Variants in DLK2 observed in about 807,000 individuals in gnomAD.
DLK2 encodes the protein delta like non-canonical Notch ligand 2, also known as protein delta homolog 2.
Under a neutral mutation model 31.3 loss-of-function variants are expected in DLK2, and 9 were observed. The observed-to-expected ratio is 0.29, with a 90% CI of 0.17 to 0.50. The LOEUF (loss-of-function observed/expected upper bound fraction) is 0.50, where lower values mean the gene tolerates loss of function less well. Among genes scored for constraint, DLK2 ranks in the 20% least tolerant of loss-of-function variants. DLK2 has a pLI of 0.98. For synonymous variants in DLK2, 169 were observed against 201.2 expected, an observed-to-expected ratio of 0.84 and a Z score of 1.35; for missense variants, 387 against 526.1, an observed-to-expected ratio of 0.74 and a Z score of 2.59.
In DLK2 at chr6:43,455,525, T is replaced by G. The variant is rs1389242199; in HGVS notation, c.-186A>C. The G allele has an allele frequency of 6.7e-6, 1 of 150,294 alleles. No individual in the cohort carries two copies. The allele number at this position is 150,294 out of a possible 1,614,324, so 9.3% of individuals were successfully genotyped here. ...GGGCCGGGCGCCGAAGCGGCTGCCA[T>G]GCGAGCCGAGCGCTCGGGAATCTGG... On this transcript the variant is annotated 5_prime_UTR_variant, in exon 1 of 6. The change abolishes an upstream ATG in the 5' untranslated region. Transcript: ENST00000372488.
In DLK2 at chr6:43,453,600, C is replaced by T. The variant is rs1282842017; in HGVS notation, c.141-465G>A. ...TTGAGGTCAGGAGTTCAAGACCAGC[C>T]TGGCCAACTGGGTGAAACCCCGTCT... On this transcript the variant is annotated intron_variant, in intron 3 of 5. Coordinates refer to ENST00000372488, the MANE Select transcript of DLK2 (RefSeq NM_023932.4). This position sits in a 1 kb window ranked among gnomAD's most constrained non-coding sequence, Gnocchi z 4.1. 6.6e-6 allele frequency among the ~76,000 whole-genome samples: 1 copy of T among 152,170 alleles called. No individual in the cohort carries two copies. Among genetic ancestry groups the T allele is most frequent in the South Asian group, 2.1e-4 (1 of 4,832 alleles).
chr6:43,453,089 TC>T lies in DLK2; in HGVS notation c.186del (p.Met63CysfsTer111). On this transcript the variant is annotated frameshift_variant, in exon 4 of 6. Transcript: ENST00000372488. LOFTEE classifies it high-confidence loss of function. This position sits in a 1 kb window ranked among gnomAD's most constrained non-coding sequence, Gnocchi z 4.1. The stretch of plus-strand genomic sequence containing the variant: ...CAGGTACCGTGCTGGCAGCCAGGCA[TC>T]CTCACACAGCGCTCACAGTGCAGCC... The part of the protein sequence containing the change: ...WEGLHCERCV[R>X]MPGCQHGTCH... 6.2e-7 allele frequency: 1 copy of T among 1,613,996 alleles called. No homozygotes were observed. Among genetic ancestry groups the T allele is most frequent in the Non-Finnish European group, 8.5e-7 (1 of 1,179,944 alleles).
rs1331226440 is a variant in DLK2 at position 43,455,428 on chromosome 6, G to C, written c.-89C>G. The stretch of plus-strand genomic sequence containing the variant: ...GGGAGGTGGCGCGCCCCGGGGCGCA[G>C]AGAGAGGCCGGATCCGACGGGCGCC... On this transcript the variant is annotated 5_prime_UTR_variant, in exon 1 of 6. Transcript: ENST00000372488. 2 of 151,408 alleles carry C rather than the reference G, an allele frequency of 1.3e-5. No individual in the cohort carries two copies. The highest frequency in any genetic ancestry group is 4.8e-5 in the African/African-American group (2 of 41,330). The allele number at this position is 151,408 out of a possible 1,614,324, so 9.4% of individuals were successfully genotyped here.
intron 3 of DLK2, among the ~76,000 whole-genome samples, chr6:43,454,060 T>A (rs1038309808): frequency 6.6e-6 from 1 of 152,190 alleles, no homozygotes; most frequent in Non-Finnish European, 1.5e-5. Flanking sequence ...CCCCAGCAAC[T>A]CTCCCTGCAG....
At chr6:43,452,882 A>G (rs1347737461) in intron 4 of DLK2, 123 bp downstream of exon 4, 2 of 1,421,628 alleles carry the variant, frequency 1.4e-6, no homozygotes, top group Admixed American at 4.5e-5. Flanking sequence ...GATTTAAAAA[A>G]ATGATAAAAT....
rs1249094714 is a variant in DLK2, at chr6:43,451,505, G to A, written c.417-231C>T. On this transcript the variant is annotated intron_variant, in intron 5 of 5. Transcript: ENST00000372488. This position sits in a 1 kb window ranked among gnomAD's most constrained non-coding sequence, Gnocchi z 4.4. Reference sequence around the variant, plus strand: ...AGCACAGGGCCCAGCCAGAAGGCAGGGCTCAGGGTAAGTGTGCTATTATTA... The same window carrying A: ...AGCACAGGGCCCAGCCAGAAGGCAGAGCTCAGGGTAAGTGTGCTATTATTA... Among the ~76,000 whole-genome samples, 3 of 152,154 alleles carry A rather than the reference G, an allele frequency of 2.0e-5. No homozygotes were observed. The highest frequency in any genetic ancestry group is 7.2e-5 in the African/African-American group (3 of 41,432).
rs779020246 is a variant in DLK2 at position 43,450,829 on chromosome 6, G to A, written c.862C>T (p.Arg288Trp). ...APHSAGAGLL[R>W]ISVKEVVRRQ... ...CGCACCACCTCCTTCACTGAGATCC[G>A]CAGCAGACCAGCCCCTGCGCTGTGG... is the stretch of plus-strand genomic sequence containing the variant. The change falls in exon 6 of 6, where the codon CGG becomes TGG. Residue 288 changes from arginine to tryptophan, a missense_variant. By Grantham distance (101) the Arg-to-Trp change is moderately radical. Transcript: ENST00000372488. This position sits in a 1 kb window ranked among gnomAD's most constrained non-coding sequence, Gnocchi z 4.5. 2.5e-6 allele frequency: 4 copies of A among 1,614,144 alleles called. No individual in the cohort carries two copies. The highest frequency in any genetic ancestry group is 1.7e-5 in the Admixed American group (1 of 60,024).
At chr6:43,454,624 G>A in intron 2 of DLK2, 126 bp downstream of exon 2, 1 of 1,380,556 alleles carries the variant, frequency 7.2e-7, no homozygotes, top group Non-Finnish European at 9.9e-7. Flanking sequence ...TTCCAAAAAG[G>A]CAACCTCGGT....
chr6:43,452,229 G>A, intron 4 of DLK2, 145 bp from the exon 5 acceptor site: 1 of 1,206,358 alleles, frequency 8.3e-7, no homozygotes, highest in Non-Finnish European at 1.1e-6. Flanking sequence ...GCTAGGGAGA[G>A]ACAACAACAC....
At position 43,454,451 on chromosome 6, in the gene DLK2, C is replaced by A; in HGVS notation, c.100G>T (p.Asp34Tyr). 6.2e-7 allele frequency: 1 copy of A among 1,600,668 alleles called. No individual in the cohort carries two copies. Among genetic ancestry groups the A allele is most frequent in the South Asian group, 1.1e-5 (1 of 87,740 alleles). The stretch of plus-strand genomic sequence containing the variant: ...GGTGCACAGCAGCCGTGGGCCAGGT[C>A]ACAGTGGGAGCTGCAGTCATCGGCT... Reference protein sequence around the residue: ...VRADDCSSHCDLAHGCCAPDG... With the variant: ...VRADDCSSHCYLAHGCCAPDG... Residue 34 changes from aspartate (D) to tyrosine (Y), a missense_variant, in exon 3 of 6, where the codon GAC becomes TAC. Coordinates refer to ENST00000372488, the MANE Select transcript of DLK2 (RefSeq NM_023932.4).
chr6:43,454,452 A>G lies in DLK2; in HGVS notation c.99T>C (p.Cys33=). 6.2e-7 allele frequency: 1 copy of G among 1,600,476 alleles called. No homozygotes were observed. Among genetic ancestry groups the G allele is most frequent in the Non-Finnish European group, 8.5e-7 (1 of 1,175,032 alleles). ...GTGCACAGCAGCCGTGGGCCAGGTC[A>G]CAGTGGGAGCTGCAGTCATCGGCTG... ...PVRADDCSSH[C]DLAHGCCAPD... is the part of the protein sequence containing the mutation. The change falls in exon 3 of 6, where the codon TGT becomes TGC. Residue 33 remains cysteine (C), a synonymous_variant. Transcript: ENST00000372488.
At chr6:43,454,716 A>G (rs1205104796) in intron 2 of DLK2, 34 bp downstream of exon 2, 1 of 1,539,124 alleles carries the variant, frequency 6.5e-7, no homozygotes, top group African/African-American at 1.4e-5. Context: ...ACGGCTGGAC[A>G]GGGCCGCGAC....
At position 43,451,829 on chromosome 6, in the gene DLK2, G is replaced by T; in HGVS notation, c.416+111C>A. On this transcript the variant is annotated intron_variant, in intron 5 of 5. Transcript: ENST00000372488. The surrounding 1 kb of genome is among the most constrained non-coding windows in gnomAD (Gnocchi z 4.4). ...GCAGGGGTTTTATCTGAGTGTCCCC[G>T]TGTGGGTCTGACTCTCAGTCCCCCA... 6.8e-7 allele frequency: 1 copy of T among 1,481,430 alleles called. No individual in the cohort carries two copies. The highest frequency in any genetic ancestry group is 9.0e-7 in the Non-Finnish European group (1 of 1,116,392). The allele number at this position is 1,481,430 out of a possible 1,614,324, so 91.8% of individuals were successfully genotyped here. A position where few individuals can be genotyped will look rare whatever the true frequency, so the allele number is the denominator to read the frequency against.
At chr6:43,454,999 G>C in intron 1 of DLK2, 119 bp from the exon 2 acceptor site, 4 of 1,289,646 alleles carry the variant, frequency 3.1e-6, no homozygotes, top group Non-Finnish European at 4.0e-6. Flanking sequence ...GGGGATGGGG[G>C]TAGCGGGAGG....
At chr6:43,454,970 G>A (rs1352170784) in intron 1 of DLK2, 90 bp from the exon 2 acceptor site, 2 of 1,461,364 alleles carry the variant, frequency 1.4e-6, no homozygotes, top group Non-Finnish European at 1.8e-6. Context: ...CGAGGGAGAG[G>A]GGCGCCGGGA....
chr6:43,454,534 G>T, intron 2 of DLK2, 60 bp from the exon 3 acceptor site: 1 of 1,510,438 alleles, frequency 6.6e-7, no homozygotes, highest in South Asian at 1.2e-5. Context: ...GCTGGGATGC[G>T]GGACTCAGGA....
chr6:43,455,235 C>T (rs1455986387), intron 1 of DLK2, 160 bp downstream of exon 1: 1 of 274,558 alleles, frequency 3.6e-6, no homozygotes, highest in African/African-American at 2.3e-5. Context: ...GAGGGAAGGA[C>T]GGTTCCCGGC....
At chr6:43,454,303 T>G (rs1581819437) in intron 3 of DLK2, 108 bp downstream of exon 3, 4 of 1,026,620 alleles carry the variant, frequency 3.9e-6, no homozygotes, top group Non-Finnish European at 4.3e-6. Context: ...GCCATAGGAG[T>G]GATGAGGCAT....
intron 1 of DLK2, 82 bp from the exon 2 acceptor site, chr6:43,454,962 A>T: frequency 2.4e-6 from 3 of 1,266,104 alleles, no homozygotes; most frequent in Non-Finnish European, 3.0e-6. Context: ...GGAGCCGACG[A>T]GGGAGAGGGG....
Sources: gnomAD v4.1 joint callset for allele counts (sites outside exome capture counted in the v4.1 genomes callset) on GRCh38, gnomAD v4.1.1 for gene constraint, Gnocchi (gnomAD v3.1) non-coding constraint, MANE v1.5 for transcripts, NCBI Gene and HGNC (gene_info 2026-07-23, HGNC 2026-07-21) for gene names.